Variants in DCST2 observed in about 807,000 individuals in gnomAD.
DCST2 encodes DC-STAMP domain containing 2.
Under a neutral mutation model 81.8 loss-of-function variants are expected in DCST2, and 64 were observed. That is an observed-to-expected ratio of 0.78 (90% CI 0.64 to 0.96). The LOEUF (loss-of-function observed/expected upper bound fraction) is 0.96. Among genes scored for constraint, DCST2 ranks in the 40% least tolerant of loss-of-function variants. DCST2 has a pLI of 0.00. For missense variants in DCST2, 945 were observed against 1,001.4 expected (o/e 0.94, Z 0.76); for synonymous variants, 354 against 402.6 (o/e 0.88, Z 1.44).
Position 155,026,324 on chromosome 1 carries a change from G to A in DCST2, c.1589C>T (p.Ser530Phe). The change falls in exon 10 of 15, where the codon TCC becomes TTC. Residue 530 changes from serine to phenylalanine, a missense_variant. Coordinates refer to ENST00000368424, the MANE Select transcript of DCST2 (RefSeq NM_144622.3). The stretch of plus-strand genomic sequence containing the variant: ...CACCTGCTCCCGGGATGGGTAGTAG[G>A]AGGCACAGATGACTCGCCGCAGCCG... ...VSRLRRVICASYYPSREQERI... is the reference protein window; with the variant it reads ...VSRLRRVICAFYYPSREQERI... The A allele has an allele frequency of 1.9e-6, 3 of 1,613,846 alleles. No homozygotes were observed. Among genetic ancestry groups the A allele is most frequent in the Non-Finnish European group, 2.5e-6 (3 of 1,180,018 alleles).
At chr1:155,019,210 C>G (rs1659670251) in intron 14 of DCST2, among the ~76,000 whole-genome samples, 1 of 152,210 alleles carries the variant, frequency 6.6e-6, no homozygotes, top group African/African-American at 2.4e-5. Flanking sequence ...GAGGAGGCAG[C>G]TTAACCTTCT....
chr1:155,018,803 G>A, intron 14 of DCST2, 43 bp from the exon 15 acceptor site: 1 of 1,571,882 alleles, frequency 6.4e-7, no homozygotes, highest in Non-Finnish European at 8.7e-7. Context: ...CCCACCTTCT[G>A]TCTTCACAGG....
At chr1:155,026,460 CT>C in intron 9 of DCST2, 58 bp from the exon 10 acceptor site, 3 of 1,612,696 alleles carry the variant, frequency 1.9e-6, no homozygotes, top group Non-Finnish European at 2.5e-6. Context: ...CAGCCCACCC[CT>C]GGCGCCCCCC....
chr1:155,027,027 A>AT (rs201906463), intron 8 of DCST2, among the ~76,000 whole-genome samples: 45 of 148,882 alleles, frequency 3.0e-4, no homozygotes, highest in Middle Eastern at 3.5e-3. Context: ...AGAAGCATTT[A>AT]TTTTTTTTTT....
rs1321050331 is a variant in DCST2, at chr1:155,023,199, G to A, written c.2023C>T (p.Pro675Ser). Residue 675 changes from proline (P) to serine (S), a missense_variant, in exon 14 of 15, where the codon CCT (proline) becomes TCT (serine). Pro to Ser is a moderately conservative substitution (Grantham distance 74, BLOSUM62 -1). Transcript: ENST00000368424. Reference protein sequence around the residue: ...LWLAAAQRKDPEQAWLLQQQL... With the variant: ...LWLAAAQRKDSEQAWLLQQQL... Reference sequence around the variant, plus strand: ...TGCTGCAATAACCATGCCTGCTCAGGGTCCTTCCTTTGAGCTGCAGCCAGC... The same window carrying A: ...TGCTGCAATAACCATGCCTGCTCAGAGTCCTTCCTTTGAGCTGCAGCCAGC... 2.5e-6 allele frequency: 4 copies of A among 1,614,168 alleles called. 1 individual carries two copies. The highest frequency in any genetic ancestry group is 2.2e-5 in the South Asian group (2 of 91,088).
In DCST2 at chr1:155,030,122, G is replaced by A. The variant is rs201752543; in HGVS notation, c.1139C>T (p.Pro380Leu). 2.2e-5 allele frequency: 36 copies of A among 1,613,912 alleles called. No homozygotes were observed. Among genetic ancestry groups the A allele is most frequent in the Non-Finnish European group, 2.6e-5 (31 of 1,180,018 alleles). The change falls in exon 7 of 15, where the codon CCG becomes CTG. Residue 380 changes from proline to leucine, a missense_variant. Transcript: ENST00000368424. ...RSTAGLPTVL[P>L]LSAHEARRYI... ...GCGCCTGGCCTCGTGAGCACTGAGC[G>A]GTAGCACTGTGGGCAGCCCTGCCGT...
At chr1:155,030,346 G>A in intron 6 of DCST2, 86 bp downstream of exon 6, 2 of 1,593,866 alleles carry the variant, frequency 1.3e-6, no homozygotes, top group Non-Finnish European at 1.7e-6. Context: ...CCTGGATGCT[G>A]GGGCAGGGAG....
intron 9 of DCST2, 27 bp from the exon 10 acceptor site, chr1:155,026,429 C>G (rs774903744): frequency 6.2e-7 from 1 of 1,613,458 alleles, no homozygotes; most frequent in Non-Finnish European, 8.5e-7. Flanking sequence ...CACAGTCAGC[C>G]TCACCAGCAG....
intron 11 of DCST2, among the ~76,000 whole-genome samples, chr1:155,024,205 T>C (rs1204569087): frequency 2.0e-5 from 3 of 152,170 alleles, no homozygotes; most frequent in Non-Finnish European, 4.4e-5. Context: ...TGCTAAATGA[T>C]GAGTTAATGG....
intron 4 of DCST2, 59 bp downstream of exon 4, chr1:155,031,515 T>TGGGC: frequency 1.6e-6 from 1 of 643,126 alleles, no homozygotes; most frequent in Non-Finnish European, 2.9e-6. Context: ...ACCCCCACAT[T>TGGGC]CCCACCCCAC....
At chr1:155,020,852 T>G (rs1157093494) in intron 14 of DCST2, among the ~76,000 whole-genome samples, 3 of 151,958 alleles carry the variant, frequency 2.0e-5, no homozygotes, top group Non-Finnish European at 4.4e-5. Context: ...AGACTGGGTC[T>G]TGTACTATTG....
At position 155,026,599 on chromosome 1, in the gene DCST2, G is replaced by A. The variant is rs540346650; in HGVS notation, c.1459C>T (p.Arg487Cys). 3.0e-5 allele frequency: 48 copies of A among 1,614,198 alleles called. 1 individual carries two copies. Among genetic ancestry groups the A allele is most frequent in the South Asian group, 3.0e-4 (27 of 91,088 alleles). ...GGCTCCGAGGGACGAAGGAGACAACGCCGGGACAAAATACTGATGTTGCCT... is the reference window on the plus strand; with the variant it reads ...GGCTCCGAGGGACGAAGGAGACAACACCGGGACAAAATACTGATGTTGCCT... ...QQGNISILSRRCLLRPSEPDS... is the reference protein window; with the variant it reads ...QQGNISILSRCCLLRPSEPDS... Residue 487 changes from arginine (R) to cysteine (C), a missense_variant, in exon 9 of 15, where the codon CGT (arginine) becomes TGT (cysteine). Arg to Cys is a radical substitution (Grantham distance 180). Transcript: ENST00000368424.
intron 10 of DCST2, 94 bp from the exon 11 acceptor site, chr1:155,024,696 C>G: frequency 7.4e-7 from 1 of 1,343,336 alleles, no homozygotes; most frequent in Admixed American, 3.4e-5. Flanking sequence ...TTCCTTCTAT[C>G]CAACTCCTAT....
intron 14 of DCST2, among the ~76,000 whole-genome samples, chr1:155,019,375 C>G (rs532459959): frequency 6.6e-6 from 1 of 152,216 alleles, no homozygotes; most frequent in Admixed American, 6.5e-5. Flanking sequence ...TATGGTCCTG[C>G]AACCTCGTCG....
chr1:155,029,460 T>C, intron 7 of DCST2, 63 bp from the exon 8 acceptor site: 1 of 1,539,126 alleles, frequency 6.5e-7, no homozygotes, highest in Non-Finnish European at 8.9e-7. Context: ...AGATCCCAGT[T>C]CTTGGAGAGG....
intron 4 of DCST2, 146 bp downstream of exon 4, chr1:155,031,428 C>CCCAA: frequency 1.0e-6 from 1 of 978,426 alleles, no homozygotes; most frequent in Non-Finnish European, 1.5e-6. Flanking sequence ...CCCCCACCCC[C>CCCAA]AATACTGGTC....
chr1:155,023,767 T>C, intron 12 of DCST2, 65 bp downstream of exon 12: 2 of 1,606,268 alleles, frequency 1.2e-6, no homozygotes. Context: ...AGGACCACAG[T>C]GGATTGTCAT....
intron 6 of DCST2, 35 bp from the exon 7 acceptor site, chr1:155,030,276 T>C: frequency 6.2e-7 from 1 of 1,613,182 alleles, no homozygotes. Context: ...GTGAGGCCCC[T>C]TAGGACCCCA....
chr1:155,030,938 G>A, intron 5 of DCST2: 1 of 615,414 alleles, frequency 1.6e-6, no homozygotes, highest in Non-Finnish European at 2.8e-6. Flanking sequence ...CCCTGGTTCT[G>A]TTCCCAGCTC....
Sources: gnomAD v4.1 joint callset for allele counts (sites outside exome capture counted in the v4.1 genomes callset) on GRCh38, gnomAD v4.1.1 for gene constraint, MANE v1.5 for transcripts, NCBI Gene and HGNC (gene_info 2026-07-23, HGNC 2026-07-21) for gene names.